Variants in EPHA6 observed in about 807,000 individuals in gnomAD.
EPHA6 encodes the protein EPH receptor A6, also known as ephrin type-A receptor 6.
Under a neutral mutation model 112.0 loss-of-function variants are expected in EPHA6, and 50 were observed. That is an observed-to-expected ratio of 0.45 (90% CI 0.36 to 0.56). EPHA6 has a LOEUF of 0.56. Among genes scored for constraint, EPHA6 ranks in the 20% least tolerant of loss-of-function variants. The probability of loss-of-function intolerance (pLI) is 0.00; values close to 1 mark genes in which losing one functional copy is unlikely to be tolerated. For missense variants in EPHA6, 1,280 were observed against 1,417.4 expected, an observed-to-expected ratio of 0.90 and a Z score of 1.56; for synonymous variants, 529 against 490.7, an observed-to-expected ratio of 1.08 and a Z score of -1.03.
At chr3:97,463,690 G>A (rs2090963345) in intron 7 of EPHA6, among the ~76,000 whole-genome samples, 1 of 152,104 alleles carries the variant, frequency 6.6e-6, no homozygotes, top group South Asian at 2.1e-4. Context: ...ACCTTTGATA[G>A]AGCCAAGGTA....
intron 7 of EPHA6, among the ~76,000 whole-genome samples, chr3:97,449,253 G>A (rs1306165660): frequency 6.6e-6 from 1 of 152,056 alleles, no homozygotes; most frequent in Non-Finnish European, 1.5e-5. Flanking sequence ...AAGGGAGTGA[G>A]ATATTCCAAT....
At chr3:97,078,820 A>G (rs906355653) in intron 3 of EPHA6, among the ~76,000 whole-genome samples, 9 of 152,144 alleles carry the variant, frequency 5.9e-5, no homozygotes, top group Non-Finnish European at 1.0e-4. Flanking sequence ...TGGATGAGCA[A>G]AGAAAATTGT....
intron 5 of EPHA6, among the ~76,000 whole-genome samples, chr3:97,335,291 A>G (rs77802707): frequency 0.037 from 5,679 of 152,188 alleles, 307 homozygotes; most frequent in African/African-American, 0.12. Context: ...AGGTTATAGG[A>G]AGAAGGCAGC....
intron 3 of EPHA6, among the ~76,000 whole-genome samples, chr3:97,109,654 C>G (rs375836022): frequency 3.3e-4 from 50 of 152,166 alleles, no homozygotes; most frequent in African/African-American, 1.2e-3. Context: ...GTGAGAAGCA[C>G]AAAACTCCGA....
intron 2 of EPHA6, among the ~76,000 whole-genome samples, chr3:96,904,256 A>G (rs2038791940): frequency 2.0e-5 from 3 of 151,926 alleles, no homozygotes; most frequent in Admixed American, 1.3e-4. Flanking sequence ...GCACATATAC[A>G]CCATGGAATA....
intron 5 of EPHA6, among the ~76,000 whole-genome samples, chr3:97,299,933 A>C (rs146600020): frequency 6.6e-6 from 1 of 152,180 alleles, no homozygotes; most frequent in Non-Finnish European, 1.5e-5. Flanking sequence ...AATAGATTGC[A>C]TACCGTTGTT....
intron 3 of EPHA6, among the ~76,000 whole-genome samples, chr3:97,009,413 T>TA (rs1206523816): frequency 1.3e-5 from 2 of 152,220 alleles, no homozygotes; most frequent in Admixed American, 6.5e-5. Flanking sequence ...GCCAGTATTT[T>TA]GGGCTGTGGG....
At chr3:97,693,574 G>A (rs1191612296) in intron 14 of EPHA6, among the ~76,000 whole-genome samples, 3 of 152,062 alleles carry the variant, frequency 2.0e-5, no homozygotes, top group Admixed American at 6.5e-5. Flanking sequence ...TTGGGAGGCC[G>A]AGGCAGGCAG....
intron 2 of EPHA6, among the ~76,000 whole-genome samples, chr3:96,893,094 G>C (rs2038069113): frequency 6.6e-6 from 1 of 151,998 alleles, no homozygotes; most frequent in Non-Finnish European, 1.5e-5. Context: ...CTGTGACGTT[G>C]TAGCTATCAT....
intron 3 of EPHA6, among the ~76,000 whole-genome samples, chr3:97,133,438 CA>C (rs1032854519): frequency 1.3e-5 from 2 of 151,304 alleles, no homozygotes; most frequent in Non-Finnish European, 3.0e-5. Context: ...TGTTTTCCTA[CA>C]AAAAAAATCA....
chr3:97,252,128 C>A (rs2079159172), intron 5 of EPHA6, among the ~76,000 whole-genome samples: 2 of 152,082 alleles, frequency 1.3e-5, no homozygotes, highest in Non-Finnish European at 2.9e-5. Flanking sequence ...TAGGCCAGAA[C>A]AGAAAAATAT....
intron 6 of EPHA6, among the ~76,000 whole-genome samples, chr3:97,407,872 T>G (rs1559967573): frequency 6.6e-6 from 1 of 152,076 alleles, no homozygotes; most frequent in African/African-American, 2.4e-5. Flanking sequence ...CCGCTTCTAT[T>G]CATATCGAAG....
At chr3:97,062,128 A>C (rs1248481663) in intron 3 of EPHA6, among the ~76,000 whole-genome samples, 1 of 152,160 alleles carries the variant, frequency 6.6e-6, no homozygotes, top group East Asian at 1.9e-4. Context: ...TATTATAGGA[A>C]TACAGAGTGA....
intron 3 of EPHA6, among the ~76,000 whole-genome samples, chr3:97,148,233 G>A (rs2076089814): frequency 6.6e-6 from 1 of 152,076 alleles, no homozygotes; most frequent in African/African-American, 2.4e-5. Context: ...ACGTTGGGAG[G>A]CTGAGGCAGA....
intron 5 of EPHA6, among the ~76,000 whole-genome samples, chr3:97,268,357 A>G (rs2079767844): frequency 6.6e-6 from 1 of 152,212 alleles, no homozygotes; most frequent in Non-Finnish European, 1.5e-5. Context: ...AGGTCAACAG[A>G]AAACAACAAT....
intron 3 of EPHA6, among the ~76,000 whole-genome samples, chr3:97,038,823 G>T (rs1425345518): frequency 6.6e-6 from 1 of 152,020 alleles, no homozygotes; most frequent in Non-Finnish European, 1.5e-5. Flanking sequence ...CCTGCTAGGT[G>T]TCAGGCAGAT....
intron 5 of EPHA6, among the ~76,000 whole-genome samples, chr3:97,287,780 C>G (rs1398028667): frequency 6.6e-6 from 1 of 152,064 alleles, no homozygotes; most frequent in African/African-American, 2.4e-5. Flanking sequence ...TGATGTGTTA[C>G]CTTTTTGATG....
intron 6 of EPHA6, among the ~76,000 whole-genome samples, chr3:97,411,048 G>GTT (rs374244249): frequency 1.4e-5 from 2 of 145,574 alleles, no homozygotes; most frequent in Admixed American, 6.9e-5. Flanking sequence ...GAATCAGCAA[G>GTT]TTTTTTTTTT....
chr3:96,943,168 T>G (rs148640597), intron 2 of EPHA6, among the ~76,000 whole-genome samples: 8 of 152,290 alleles, frequency 5.3e-5, no homozygotes, highest in African/African-American at 1.9e-4. Flanking sequence ...CAGGATTTCA[T>G]TCTTTTTATG....
Sources: gnomAD v4.1 joint callset for allele counts (sites outside exome capture counted in the v4.1 genomes callset) on GRCh38, gnomAD v4.1.1 for gene constraint, MANE v1.5 for transcripts, NCBI Gene and HGNC (gene_info 2026-07-23, HGNC 2026-07-21) for gene names.